TDRD15: variants seen among roughly 807,000 people sequenced by gnomAD.
TDRD15 encodes tudor domain-containing protein 15.
For missense variants in TDRD15, 1,416 were observed against 904.7 expected, an observed-to-expected ratio of 1.57 and a Z score of -7.25; for synonymous variants, 503 against 314.5, an observed-to-expected ratio of 1.60 and a Z score of -6.34.
At position 21,137,708 on chromosome 2, in the gene TDRD15, G is replaced by A; in HGVS notation, c.241G>A (p.Val81Ile). The A allele has an allele frequency of 1.4e-6, 1 of 714,834 alleles. No homozygotes were observed. The highest frequency in any genetic ancestry group is 2.3e-4 in the Middle Eastern group (1 of 4,356). The allele number at this position is 714,834 out of a possible 1,614,324, so 44.3% of individuals were successfully genotyped here. The part of the protein sequence containing the change: ...RVSGEWQRGR[V>I]MEKKNELYTV... ...ATCTGGAGAATGGCAGAGAGGAAGAGTCATGGAAAAGAAAAATGAACTCTA... is the reference window on the plus strand; with the variant it reads ...ATCTGGAGAATGGCAGAGAGGAAGAATCATGGAAAAGAAAAATGAACTCTA... Residue 81 changes from valine (V) to isoleucine (I), a missense_variant, in exon 4 of 4, where the codon GTC becomes ATC. By Grantham distance (29) the Val-to-Ile change is conservative. Coordinates refer to ENST00000405799, the MANE Select transcript of TDRD15 (RefSeq NM_001306137.2).
At position 21,143,019 on chromosome 2, in the gene TDRD15, A is replaced by G. The variant is rs1470314021; in HGVS notation, c.5552A>G (p.Tyr1851Cys). 1.4e-5 allele frequency: 10 copies of G among 698,174 alleles called. No individual in the cohort carries two copies. The highest frequency in any genetic ancestry group is 9.0e-5 in the African/African-American group (5 of 55,768). 43.2% of individuals were successfully genotyped at this position (698,174 alleles called of 1,614,324 possible). A position where few individuals can be genotyped will look rare whatever the true frequency, so the allele number is the denominator to read the frequency against. ...LPRLSYPCILYGILPAKGKHW... is the reference protein window; with the variant it reads ...LPRLSYPCILCGILPAKGKHW... ...AGGCTGAGTTATCCATGTATTTTAT[A>G]TGGTATCTTACCTGCTAAAGGAAAA... The change falls in exon 4 of 4, where the codon TAT (tyrosine) becomes TGT (cysteine). Residue 1851 changes from tyrosine to cysteine, a missense_variant. By Grantham distance (194) the Tyr-to-Cys change is radical. Transcript: ENST00000405799.
intron 1 of TDRD15, among the ~76,000 whole-genome samples, chr2:21,125,840 G>A (rs1257789992): frequency 1.3e-5 from 2 of 152,048 alleles, no homozygotes; most frequent in Admixed American, 6.5e-5. Context: ...TATCATTTTA[G>A]TACCTTTTTT....
At position 21,138,410 on chromosome 2, in the gene TDRD15, C is replaced by T. The variant is rs1216150222; in HGVS notation, c.943C>T (p.Pro315Ser). Residue 315 changes from proline to serine, a missense_variant, in exon 4 of 4, where the codon CCC (proline) becomes TCC (serine). Pro to Ser is a moderately conservative substitution (Grantham distance 74). Transcript: ENST00000405799. Reference protein sequence around the residue: ...WHRGILQQLLPPNQVKIWFMD... With the variant: ...WHRGILQQLLSPNQVKIWFMD... ...TAGAGGAATTCTTCAGCAGCTCTTGCCCCCAAATCAAGTAAAAATTTGGTT... is the reference window on the plus strand; with the variant it reads ...TAGAGGAATTCTTCAGCAGCTCTTGTCCCCAAATCAAGTAAAAATTTGGTT... The T allele has an allele frequency of 1.4e-6, 1 of 715,738 alleles. No individual in the cohort carries two copies. The highest frequency in any genetic ancestry group is 2.6e-6 in the Non-Finnish European group (1 of 384,098). The allele number at this position is 715,738 out of a possible 1,614,324, so 44.3% of individuals were successfully genotyped here. A position where few individuals can be genotyped will look rare whatever the true frequency, so the allele number is the denominator to read the frequency against.
downstream of TDRD15, among the ~76,000 whole-genome samples, chr2:21,146,946 A>G (rs1357751834): frequency 6.6e-6 from 1 of 152,058 alleles, no homozygotes; most frequent in Non-Finnish European, 1.5e-5. Flanking sequence ...TAGTGATAAA[A>G]CCATGGGTAA....
chr2:21,146,413 C>A (rs1269094740), downstream of TDRD15, among the ~76,000 whole-genome samples: 1 of 151,964 alleles, frequency 6.6e-6, no homozygotes, highest in African/African-American at 2.4e-5. Context: ...TTTAGATATT[C>A]AAGGTAATTG....
chr2:21,127,060 G>T (rs987402852), intron 1 of TDRD15, among the ~76,000 whole-genome samples: 2 of 152,086 alleles, frequency 1.3e-5, no homozygotes, highest in Non-Finnish European at 1.5e-5. Context: ...GCATTTTCTT[G>T]ATAACAATGA....
chr2:21,135,618 ATTTC>A (rs1223163713), intron 3 of TDRD15, among the ~76,000 whole-genome samples: 1 of 152,006 alleles, frequency 6.6e-6, no homozygotes, highest in Admixed American at 6.6e-5. Context: ...AACTCAAGCA[ATTTC>A]TTCTTTAGGC....
Position 21,137,652 on chromosome 2 carries a change from T to C in TDRD15, c.185T>C (p.Ile62Thr). 1 of 712,628 alleles carries C rather than the reference T, an allele frequency of 1.4e-6. No homozygotes were observed. The highest frequency in any genetic ancestry group is 1.5e-5 in the South Asian group (1 of 66,238). 44.1% of individuals were successfully genotyped at this position (712,628 alleles called of 1,614,324 possible). A position where few individuals can be genotyped will look rare whatever the true frequency, so the allele number is the denominator to read the frequency against. ...HTPKVKNNVE[I>T]DEFCLVEERV... ...CCAAAAGTGAAAAATAATGTGGAAA[T>C]TGATGAATTTTGTTTGGTGGAAGAA... The change falls in exon 4 of 4, where the codon ATT (isoleucine) becomes ACT (threonine). Residue 62 changes from isoleucine (I) to threonine (T), a missense_variant. Ile to Thr is a moderately conservative substitution (Grantham distance 89). Coordinates refer to ENST00000405799, the MANE Select transcript of TDRD15 (RefSeq NM_001306137.2).
intron 1 of TDRD15, among the ~76,000 whole-genome samples, chr2:21,125,810 A>G (rs1405337393): frequency 6.6e-6 from 1 of 152,186 alleles, no homozygotes; most frequent in Non-Finnish European, 1.5e-5. Context: ...ATGAACACAT[A>G]TTCATGTATA....
chr2:21,134,931 T>TATGTCTTTAAAA (rs1351477804), intron 3 of TDRD15, 84 bp downstream of exon 3: 5 of 150,452 alleles, frequency 3.3e-5, no homozygotes, highest in Non-Finnish European at 5.9e-5. Context: ...TGATTTAAAT[T>TATGTCTTTAAAA]ATGTCTTTAA....
Position 21,139,384 on chromosome 2 carries a change from A to C in TDRD15, c.1917A>C (p.Val639=). 3 of 710,890 alleles carry C rather than the reference A, an allele frequency of 4.2e-6. No homozygotes were observed. Among genetic ancestry groups the C allele is most frequent in the Non-Finnish European group, 7.8e-6 (3 of 382,964 alleles). 44.0% of individuals were successfully genotyped at this position (710,890 alleles called of 1,614,324 possible). ...CAAAAAAAGATGACAAGTACACTGT[A>C]AATATTCAAAGTGTTGAAGCCTCAG... ...VIAKKDDKYT[V]NIQSVEASEN... is the part of the protein sequence containing the mutation. Residue 639 remains valine (V), a synonymous_variant, in exon 4 of 4, where the codon GTA becomes GTC. Transcript: ENST00000405799.
rs753743075 is a variant in TDRD15, at chr2:21,141,643, C to T, written c.4176C>T (p.Tyr1392=). 3.2e-5 allele frequency: 23 copies of T among 713,918 alleles called. No homozygotes were observed. The highest frequency in any genetic ancestry group is 4.6e-4 in the Middle Eastern group (2 of 4,372). The allele number at this position is 713,918 out of a possible 1,614,324, so 44.2% of individuals were successfully genotyped here. ...NSAIVNTSKI[Y]ELQREFLTVP... ...CAATAGTAAACACATCTAAAATTTACGAACTTCAGAGGGAATTTTTAACTG... is the reference window on the plus strand; with the variant it reads ...CAATAGTAAACACATCTAAAATTTATGAACTTCAGAGGGAATTTTTAACTG... The change falls in exon 4 of 4, where the codon TAC becomes TAT. Residue 1392 remains tyrosine, a synonymous_variant. Transcript: ENST00000405799.
chr2:21,138,103 G>T lies in TDRD15; in HGVS notation c.636G>T (p.Arg212Ser), dbSNP rs1317941821. ...QQMPDLLQHK[R>S]PELSLGNKDT... ...TGCCAGATTTATTACAACATAAAAG[G>T]CCTGAATTGTCATTAGGTAATAAAG... is the stretch of plus-strand genomic sequence containing the variant. Residue 212 changes from arginine (R) to serine (S), a missense_variant, in exon 4 of 4, where the codon AGG becomes AGT. Arg to Ser is a moderately radical substitution (Grantham distance 110). Coordinates refer to ENST00000405799, the MANE Select transcript of TDRD15 (RefSeq NM_001306137.2). 2.8e-6 allele frequency: 2 copies of T among 716,326 alleles called. No individual in the cohort carries two copies. The highest frequency in any genetic ancestry group is 5.2e-6 in the Non-Finnish European group (2 of 384,432). 44.4% of individuals were successfully genotyped at this position (716,326 alleles called of 1,614,324 possible). A position where few individuals can be genotyped will look rare whatever the true frequency, so the allele number is the denominator to read the frequency against.
Position 21,141,398 on chromosome 2 carries a change from CATATTCAGCTTGCTGAGAATGAA to C in TDRD15, c.3933_3955del (p.His1311GlnfsTer8), listed in dbSNP as rs1274009505. On this transcript the variant is annotated frameshift_variant, in exon 4 of 4. Transcript: ENST00000405799. LOFTEE classifies it low-confidence loss of function (END_TRUNC). ...TAATATCAGTAATCCAGCGAATTTC[CATATTCAGCTTGCTGAGAATGAA>C]AGTGTAATTATCAGACTTGCTGATG... is the stretch of plus-strand genomic sequence containing the variant. 1 of 712,994 alleles carries C rather than the reference CATATTCAGCTTGCTGAGAATGAA, an allele frequency of 1.4e-6. No homozygotes were observed. Among genetic ancestry groups the C allele is most frequent in the East Asian group, 2.7e-5 (1 of 37,280 alleles). 44.2% of individuals were successfully genotyped at this position (712,994 alleles called of 1,614,324 possible).
chr2:21,147,200 C>T (rs868511229), downstream of TDRD15, among the ~76,000 whole-genome samples: 10 of 151,828 alleles, frequency 6.6e-5, no homozygotes, highest in African/African-American at 2.4e-4. Flanking sequence ...AAGCAAGAAA[C>T]TGAACTATAT....
intron 1 of TDRD15, among the ~76,000 whole-genome samples, chr2:21,126,314 A>G (rs867401752): frequency 9.9e-5 from 15 of 152,036 alleles, no homozygotes; most frequent in Middle Eastern, 3.4e-3. Context: ...TTTGTGTTTC[A>G]GCATAATTAC....
At chr2:21,127,753 T>G (rs928957120) in intron 2 of TDRD15, 42 bp downstream of exon 2, 2 of 152,200 alleles carry the variant, frequency 1.3e-5, no homozygotes, top group Non-Finnish European at 2.9e-5. Context: ...TCAGTTTATT[T>G]TTTTATAACC....
At chr2:21,147,045 A>T (rs1290518566), downstream of TDRD15, among the ~76,000 whole-genome samples, 1 of 152,130 alleles carries the variant, frequency 6.6e-6, no homozygotes, top group Non-Finnish European at 1.5e-5. Flanking sequence ...GTGAAGATAA[A>T]TTAAAACATG....
chr2:21,140,772 T>C lies in TDRD15; in HGVS notation c.3305T>C (p.Phe1102Ser). ...AEISSWFKDNFLGRSLKAIIL... is the reference protein window; with the variant it reads ...AEISSWFKDNSLGRSLKAIIL... ...ATCAGTAGTTGGTTTAAAGACAATT[T>C]CTTGGGAAGATCATTAAAGGCGATA... is the stretch of plus-strand genomic sequence containing the variant. The change falls in exon 4 of 4, where the codon TTC (phenylalanine) becomes TCC (serine). Residue 1102 changes from phenylalanine to serine, a missense_variant. Phe to Ser is a radical substitution (Grantham distance 155). Transcript: ENST00000405799. 1.4e-6 allele frequency: 1 copy of C among 715,164 alleles called. No individual in the cohort carries two copies. The highest frequency in any genetic ancestry group is 2.6e-6 in the Non-Finnish European group (1 of 383,570). 44.3% of individuals were successfully genotyped at this position (715,164 alleles called of 1,614,324 possible). A position where few individuals can be genotyped will look rare whatever the true frequency, so the allele number is the denominator to read the frequency against.
Sources: gnomAD v4.1 joint callset for allele counts (sites outside exome capture counted in the v4.1 genomes callset) on GRCh38, gnomAD v4.1.1 for gene constraint, MANE v1.5 for transcripts, NCBI Gene and HGNC (gene_info 2026-07-23, HGNC 2026-07-21) for gene names.